Variants in C4orf36 observed in about 807,000 individuals in gnomAD.
The protein encoded by C4orf36 is uncharacterized protein C4orf36.
Under a neutral mutation model 12.2 loss-of-function variants are expected in C4orf36, and 11 were observed. That is an observed-to-expected ratio of 0.90 (90% CI 0.57 to 1.49). The LOEUF is 1.49. C4orf36 is among the 40% of genes most tolerant of loss of function. C4orf36 has a pLI of 0.00. For synonymous variants in C4orf36, 54 were observed against 51.3 expected (o/e 1.05, Z -0.22); for missense variants, 137 against 133.9 (o/e 1.02, Z -0.11).
chr4:86,899,615 G>A, the C4orf36 span, among the ~76,000 whole-genome samples: 6 of 152,146 alleles, frequency 3.9e-5, no homozygotes, highest in Non-Finnish European at 5.9e-5. Context: ...CTGAAGTCCA[G>A]GAGTTTGAGA....
chr4:86,928,333 G>A, the C4orf36 span, among the ~76,000 whole-genome samples: 2 of 152,200 alleles, frequency 1.3e-5, no homozygotes, highest in African/African-American at 4.8e-5. Flanking sequence ...GGCTATGGGG[G>A]AGGTGCTGCC....
the C4orf36 span, among the ~76,000 whole-genome samples, chr4:86,926,621 CCAAA>C: frequency 6.6e-6 from 1 of 152,100 alleles, no homozygotes; most frequent in Non-Finnish European, 1.5e-5. Flanking sequence ...GCTTGGAACT[CCAAA>C]CACACATTCT....
chr4:86,913,590 C>CT, the C4orf36 span: 5 of 1,338,518 alleles, frequency 3.7e-6, no homozygotes, highest in African/African-American at 1.4e-5. Context: ...ACTCTGTTCT[C>CT]TGAGACAAAT....
the C4orf36 span, among the ~76,000 whole-genome samples, chr4:86,932,990 A>G: frequency 1.9e-4 from 29 of 152,324 alleles, no homozygotes. Flanking sequence ...ACTCCATTAC[A>G]TAATTACTCT....
the C4orf36 span, among the ~76,000 whole-genome samples, chr4:86,917,595 A>G: frequency 4.0e-5 from 6 of 149,486 alleles, no homozygotes; most frequent in African/African-American, 1.5e-4. Context: ...GGGAAGGGAA[A>G]GAAGGAGGGA....
chr4:86,926,978 A>G, the C4orf36 span, among the ~76,000 whole-genome samples: 11 of 152,332 alleles, frequency 7.2e-5, no homozygotes, highest in Admixed American at 7.2e-4. Flanking sequence ...TTCATTCTCT[A>G]TGTACTGCCT....
At position 86,891,024 on chromosome 4, in the gene C4orf36, T is replaced by C. The variant is rs1490693481; in HGVS notation, c.65+432A>G. On this transcript the variant is annotated intron_variant, in intron 2 of 4. Coordinates refer to ENST00000295898, the MANE Select transcript of C4orf36 (RefSeq NM_144645.4). ...TATACAGGATATAAAAGCGACCCTT[T>C]GTACCAGCTAATTAGGTGCTCTGTT... 2.0e-5 allele frequency among the ~76,000 whole-genome samples: 3 copies of C among 152,192 alleles called. No individual in the cohort carries two copies. The South Asian group carries it at 6.2e-4, about 31-fold the overall frequency.
At chr4:86,935,279 T>G in the C4orf36 span, 24 of 152,180 alleles carry the variant, frequency 1.6e-4, no homozygotes, top group African/African-American at 5.1e-4. Flanking sequence ...TGGGGGTCGA[T>G]CCGCCCGGCC....
chr4:86,933,955 T>C, the C4orf36 span, among the ~76,000 whole-genome samples: 1 of 152,238 alleles, frequency 6.6e-6, no homozygotes, highest in Admixed American at 6.5e-5. Flanking sequence ...GCCAAAGGTT[T>C]AATTTGGAAA....
the C4orf36 span, among the ~76,000 whole-genome samples, chr4:86,923,883 A>G: frequency 6.6e-6 from 1 of 151,936 alleles, no homozygotes; most frequent in African/African-American, 2.4e-5. Flanking sequence ...CCATATTATT[A>G]CTCGTGCAAA....
intron 2 of C4orf36, 118 bp downstream of exon 2, chr4:86,891,338 C>A: frequency 6.7e-5 from 39 of 582,058 alleles, no homozygotes; most frequent in East Asian, 1.8e-4. Flanking sequence ...CCTCAAAATA[C>A]TTCACATAGC....
chr4:86,916,414 A>G, the C4orf36 span, among the ~76,000 whole-genome samples: 1 of 151,636 alleles, frequency 6.6e-6, no homozygotes, highest in Non-Finnish European at 1.5e-5. Context: ...TGTTTACTCA[A>G]TGGGCACATG....
Position 86,888,222 on chromosome 4 carries a change from G to A in C4orf36, c.119C>T (p.Ala40Val), listed in dbSNP as rs1560473008. The change falls in exon 3 of 5, where the codon GCC becomes GTC. Residue 40 changes from alanine (A) to valine (V), a missense_variant. By Grantham distance (64) the Ala-to-Val change is moderately conservative. Transcript: ENST00000295898. ...TTCCAAGAAAGGCAACTTGATATTG[G>A]CTAGGTTTGTGGACCAGGTCTTTGC... ...LLAKTWSTNL[A>V]NIKLPFLEEI... 2 of 1,614,098 alleles carry A rather than the reference G, an allele frequency of 1.2e-6. No homozygotes were observed. The highest frequency in any genetic ancestry group is 1.1e-5 in the South Asian group (1 of 91,080).
At chr4:86,904,791 C>A in the C4orf36 span, among the ~76,000 whole-genome samples, 1 of 152,020 alleles carries the variant, frequency 6.6e-6, no homozygotes, top group South Asian at 2.1e-4. Flanking sequence ...ACTTGGAGTT[C>A]ATAATTCTCC....
the C4orf36 span, among the ~76,000 whole-genome samples, chr4:86,927,995 G>A: frequency 3.3e-5 from 5 of 152,226 alleles, no homozygotes; most frequent in African/African-American, 1.2e-4. Context: ...GAGAGACAAT[G>A]CAGCTGGGTG....
the C4orf36 span, among the ~76,000 whole-genome samples, chr4:86,922,173 G>T: frequency 6.6e-6 from 1 of 152,014 alleles, no homozygotes; most frequent in Non-Finnish European, 1.5e-5. Context: ...CTAACCACAG[G>T]GTGGTTAATC....
rs991249725 is a variant in C4orf36, at chr4:86,892,248, G to C, written c.-139C>G. ...TGTGCGCGGGGCTTCCAGGGTGGCG[G>C]GTCCCCGCGAGCCGGCGCCGGCGGC... On this transcript the variant is annotated 5_prime_UTR_variant, in exon 1 of 5. Transcript: ENST00000295898. 1.0e-6 allele frequency: 1 copy of C among 985,882 alleles called. No homozygotes were observed. The highest frequency in any genetic ancestry group is 1.2e-6 in the Non-Finnish European group (1 of 830,318). 61.1% of individuals were successfully genotyped at this position (985,882 alleles called of 1,614,324 possible). A position where few individuals can be genotyped will look rare whatever the true frequency, so the allele number is the denominator to read the frequency against.
At chr4:86,884,908 G>A (rs927173779) in intron 4 of C4orf36, among the ~76,000 whole-genome samples, 1 of 152,152 alleles carries the variant, frequency 6.6e-6, no homozygotes, top group African/African-American at 2.4e-5. Flanking sequence ...TCCAGTTTCA[G>A]CTTTCTACAT....
At chr4:86,913,209 A>T in the C4orf36 span, 1 of 484,934 alleles carries the variant, frequency 2.1e-6, no homozygotes, top group Non-Finnish European at 3.9e-6. Flanking sequence ...CACAGCTGTG[A>T]TCTTCCACAG....
Sources: allele counts gnomAD v4.1 joint callset (sites outside exome capture counted in the v4.1 genomes callset), GRCh38; gene constraint gnomAD v4.1.1; transcripts MANE v1.5; gene names NCBI Gene and HGNC (gene_info 2026-07-23, HGNC 2026-07-21).